The following DUOX2 variants were observed in gnomAD, a reference collection of about 807,000 sequenced individuals.
DUOX2 encodes the protein NADH/NADPH thyroid oxidase p138-tox.
In DUOX2, 185 loss-of-function variants were observed where a neutral mutation model predicts 183.3. That is an observed-to-expected ratio of 1.01 (90% confidence interval 0.90 to 1.14). The LOEUF is 1.14. DUOX2 is among the 50% of genes most tolerant of loss of function. The probability of loss-of-function intolerance (pLI) is 0.00; values close to 1 mark genes in which losing one functional copy is unlikely to be tolerated. For synonymous variants in DUOX2, 788 were observed against 812.4 expected (o/e 0.97, Z 0.51); for missense variants, 1,999 against 2,022.9 (o/e 0.99, Z 0.23).
Position 45,108,835 on chromosome 15 carries a change from T to A in DUOX2, c.1352A>T (p.Asp451Val). ...YSQALLAFGL[D>V]IPRNWSDLNP... is the part of the protein sequence containing the mutation. ...GAGATCACTCCAGTTCCTTGGGATGTCCAGCCCAAAGGCCAGCAGGGCCTG... is the reference window on the plus strand; with the variant it reads ...GAGATCACTCCAGTTCCTTGGGATGACCAGCCCAAAGGCCAGCAGGGCCTG... Residue 451 changes from aspartate to valine, a missense_variant, in exon 12 of 34, where the codon GAC becomes GTC. Asp to Val is a radical substitution (Grantham distance 152). Around this residue, in one of 3 missense-constraint regions of DUOX2, gnomAD observed 1,628 missense variants for 1,608.6 expected, o/e 1.01. Transcript: ENST00000389039. The A allele has an allele frequency of 6.2e-7, 1 of 1,614,250 alleles. No individual in the cohort carries two copies. The highest frequency in any genetic ancestry group is 1.6e-4 in the Middle Eastern group (1 of 6,062).
At chr15:45,104,732 C>T (rs1386075337) in intron 18 of DUOX2, among the ~76,000 whole-genome samples, 1 of 152,238 alleles carries the variant, frequency 6.6e-6, no homozygotes, top group Non-Finnish European at 1.5e-5. Flanking sequence ...GGGCTGTGCT[C>T]TCTTGCCAAT....
In DUOX2 at chr15:45,093,385, G is replaced by T. The variant is rs1485869265; in HGVS notation, c.*765C>A. 1 of 152,250 alleles carries T rather than the reference G, an allele frequency of 6.6e-6. No individual in the cohort carries two copies. Among genetic ancestry groups the T allele is most frequent in the Non-Finnish European group, 1.5e-5 (1 of 68,112 alleles). The allele number at this position is 152,250 out of a possible 1,614,324, so 9.4% of individuals were successfully genotyped here. A position where few individuals can be genotyped will look rare whatever the true frequency, so the allele number is the denominator to read the frequency against. On this transcript the variant is annotated 3_prime_UTR_variant, in exon 34 of 34. Coordinates refer to ENST00000389039, the MANE Select transcript of DUOX2 (RefSeq NM_001363711.2). ...GATGCAGAGAGGGGCCTGCCCAGGG[G>T]TCAGGGCAGTGGGTATCACTGGTGA...
chr15:45,095,850 T>C lies in DUOX2; in HGVS notation c.4058A>G (p.Asn1353Ser), dbSNP rs1409855800. 5 of 1,613,942 alleles carry C rather than the reference T, an allele frequency of 3.1e-6. No individual in the cohort carries two copies. Among genetic ancestry groups the C allele is most frequent in the African/African-American group, 1.3e-5 (1 of 74,882 alleles). Residue 1353 changes from asparagine to serine, a missense_variant, in exon 30 of 34, where the codon AAT (asparagine) becomes AGT (serine). Around this residue, in one of 3 missense-constraint regions of DUOX2, gnomAD observed 1,628 missense variants for 1,608.6 expected, o/e 1.01. Transcript: ENST00000389039. Reference protein sequence around the residue: ...LREIYSSPKGNGCAGYPKLYL... With the variant: ...LREIYSSPKGSGCAGYPKLYL... Reference sequence around the variant, plus strand: ...CACCTTTGGGTATCCAGCACAGCCATTGCCCTTTGGGGATGAGTAGATCTC... The same window carrying C: ...CACCTTTGGGTATCCAGCACAGCCACTGCCCTTTGGGGATGAGTAGATCTC...
Position 45,108,168 on chromosome 15 carries a change from G to C in DUOX2, c.1453C>G (p.Leu485Val). 6.2e-7 allele frequency: 1 copy of C among 1,614,210 alleles called. No homozygotes were observed. The highest frequency in any genetic ancestry group is 1.1e-5 in the South Asian group (1 of 91,082). The change falls in exon 13 of 34, where the codon CTC becomes GTC. Residue 485 changes from leucine to valine, a missense_variant. Leu to Val is a conservative substitution (Grantham distance 32, BLOSUM62 1). This residue lies in a region of DUOX2 where 1,628 missense variants were observed against 1,608.6 expected (regional missense o/e 1.01). Coordinates refer to ENST00000389039, the MANE Select transcript of DUOX2 (RefSeq NM_001363711.2). ...YNQDLSQLEL[L>V]LGGLLESHGD... ...TGGCTCTCCAGGAGCCCCCCAAGGAGCAGCTCTAGCTGGGATAGGTCCTGG... is the reference window on the plus strand; with the variant it reads ...TGGCTCTCCAGGAGCCCCCCAAGGACCAGCTCTAGCTGGGATAGGTCCTGG...
Position 45,096,027 on chromosome 15 carries a change from C to T in DUOX2, c.3881G>A (p.Gly1294Asp), listed in dbSNP as rs760616984. The change falls in exon 30 of 34, where the codon GGC (glycine) becomes GAC (aspartate). Residue 1294 changes from glycine to aspartate, a missense_variant. Physicochemically the swap from Gly to Asp is moderately conservative, Grantham distance 94. Around this residue, in one of 3 missense-constraint regions of DUOX2, gnomAD observed 1,628 missense variants for 1,608.6 expected, o/e 1.01. Coordinates refer to ENST00000389039, the MANE Select transcript of DUOX2 (RefSeq NM_001363711.2). ...CCACTGTCCTGACTTGTACTCAAAG[C>T]CTTGGGGCCTCTGGAATTGCAGGTA... ...VTYLQFQRPQGFEYKSGQWVR... is the reference protein window; with the variant it reads ...VTYLQFQRPQDFEYKSGQWVR... The T allele has an allele frequency of 1.2e-6, 2 of 1,613,964 alleles. No individual in the cohort carries two copies. The highest frequency in any genetic ancestry group is 1.7e-6 in the Non-Finnish European group (2 of 1,180,002).
chr15:45,108,000 G>A (rs965563320), intron 13 of DUOX2, 47 bp downstream of exon 13: 6 of 1,608,100 alleles, frequency 3.7e-6, no homozygotes, highest in Non-Finnish European at 5.1e-6. Flanking sequence ...AGGGTCTGGG[G>A]CTCAGGCTGA....
In DUOX2 at chr15:45,108,162, C is replaced by T. The variant is rs1894276228; in HGVS notation, c.1459G>A (p.Gly487Arg). The change falls in exon 13 of 34, where the codon GGG (glycine) becomes AGG (arginine). Residue 487 changes from glycine to arginine, a missense_variant. Gly to Arg is a moderately radical substitution (Grantham distance 125). Transcript: ENST00000389039. ...TCCCCATGGCTCTCCAGGAGCCCCC[C>T]AAGGAGCAGCTCTAGCTGGGATAGG... ...QDLSQLELLL[G>R]GLLESHGDPG... is the part of the protein sequence containing the mutation. 6.2e-7 allele frequency: 1 copy of T among 1,614,054 alleles called. No homozygotes were observed. Among genetic ancestry groups the T allele is most frequent in the South Asian group, 1.1e-5 (1 of 91,082 alleles).
intron 15 of DUOX2, 37 bp from the exon 16 acceptor site, chr15:45,106,678 C>G: frequency 6.2e-7 from 1 of 1,612,514 alleles, no homozygotes; most frequent in Non-Finnish European, 8.5e-7. Context: ...GGAGGGAGCC[C>G]CTCACCTAGA....
At chr15:45,103,599 C>T (rs181899709) in intron 20 of DUOX2, among the ~76,000 whole-genome samples, 87 of 152,318 alleles carry the variant, frequency 5.7e-4, no homozygotes, top group African/African-American at 1.9e-3. Context: ...CACTGTTTCA[C>T]TGGGTAGAGC....
chr15:45,105,917 G>T (rs1894200036), intron 17 of DUOX2, 89 bp from the exon 18 acceptor site: 5 of 1,546,458 alleles, frequency 3.2e-6, no homozygotes, highest in Non-Finnish European at 3.5e-6. Flanking sequence ...TTGAGGGGAG[G>T]AGAGAAAACT....
chr15:45,112,787 A>G (rs997833933), intron 3 of DUOX2, 69 bp from the exon 4 acceptor site: 1 of 1,600,158 alleles, frequency 6.2e-7, no homozygotes, highest in African/African-American at 1.3e-5. Context: ...CCTCTCCCTA[A>G]GCCTCCCTCA....
Position 45,100,303 on chromosome 15 carries a change from T to C in DUOX2, c.3006-75A>G, listed in dbSNP as rs541663950. ...TCCCTTAATGCCACTCCATGAAAGG[T>C]GACCTGGGGATCTGGCAGGCATCAG... On this transcript the variant is annotated intron_variant, in intron 23 of 33. Transcript: ENST00000389039. The C allele has an allele frequency of 2.8e-6, 4 of 1,452,384 alleles. No individual in the cohort carries two copies. The Admixed American group carries it at 7.6e-5, about 27-fold the overall frequency. The allele number at this position is 1,452,384 out of a possible 1,614,324, so 90.0% of individuals were successfully genotyped here.
chr15:45,103,866 A>G lies in DUOX2; in HGVS notation c.2654+94T>C, dbSNP rs1411975395. On this transcript the variant is annotated intron_variant, in intron 20 of 33. Coordinates refer to ENST00000389039, the MANE Select transcript of DUOX2 (RefSeq NM_001363711.2). The stretch of plus-strand genomic sequence containing the variant: ...AGGCCACCTCTCAGCACAGATGACC[A>G]CAGAGCCTCTTTGCCAGCCCTCCTC... 8 of 1,332,194 alleles carry G rather than the reference A, an allele frequency of 6.0e-6. No homozygotes were observed. The East Asian group carries it at 1.8e-4, about 31-fold the overall frequency. The allele number at this position is 1,332,194 out of a possible 1,614,324, so 82.5% of individuals were successfully genotyped here.
chr15:45,104,684 A>C (rs1827488573), intron 18 of DUOX2, among the ~76,000 whole-genome samples: 1 of 152,166 alleles, frequency 6.6e-6, no homozygotes, highest in African/African-American at 2.4e-5. Context: ...GGGACAGAAG[A>C]TGTAGAGACA....
intron 13 of DUOX2, 95 bp downstream of exon 13, chr15:45,107,952 G>T: frequency 6.9e-7 from 1 of 1,443,548 alleles, no homozygotes; most frequent in Non-Finnish European, 9.7e-7. Context: ...GGCTGACTGG[G>T]AATCAAGGGC....
At chr15:45,108,381 G>T in intron 12 of DUOX2, 159 bp from the exon 13 acceptor site, 1 of 850,376 alleles carries the variant, frequency 1.2e-6, no homozygotes, top group Non-Finnish European at 1.8e-6. Context: ...GACAAGTCTG[G>T]TGGAAGGATC....
At position 45,112,908 on chromosome 15, in the gene DUOX2, A is replaced by G; in HGVS notation, c.160+79T>C. ...GAGCTGCTGGGCGCGTGTTCCCCGC[A>G]GATTCCCCGCTCAGGGCCTTTCGCG... On this transcript the variant is annotated intron_variant, in intron 3 of 33. Transcript: ENST00000389039. 4 of 1,570,348 alleles carry G rather than the reference A, an allele frequency of 2.5e-6. No individual in the cohort carries two copies. In the South Asian group the frequency reaches 3.3e-5, roughly 13 times the overall value.
chr15:45,098,280 C>A (rs1238410008), intron 26 of DUOX2, among the ~76,000 whole-genome samples: 1 of 152,204 alleles, frequency 6.6e-6, no homozygotes, highest in African/African-American at 2.4e-5. Flanking sequence ...AACTCTCTTA[C>A]TGTGGTTGAC....
At position 45,097,808 on chromosome 15, in the gene DUOX2, C is replaced by A; in HGVS notation, c.3566-67G>T. 1.9e-6 allele frequency: 3 copies of A among 1,611,460 alleles called. No individual in the cohort carries two copies. In the East Asian group the frequency reaches 6.7e-5, roughly 36 times the overall value. ...TCAGCTTGGGCTGAAAAGACAACAG[C>A]ACATTCCCCTATCCTTCCCTCCTTC... On this transcript the variant is annotated intron_variant, in intron 27 of 33. Transcript: ENST00000389039.
Sources: allele counts gnomAD v4.1 joint callset (sites outside exome capture counted in the v4.1 genomes callset), GRCh38; gene constraint gnomAD v4.1.1; regional missense constraint gnomAD v4.1.1; transcripts MANE v1.5; gene names NCBI Gene and HGNC (gene_info 2026-07-23, HGNC 2026-07-21).